Variants in ARFGEF1 observed in about 807,000 individuals in gnomAD.
ARFGEF1 encodes ARF guanine nucleotide exchange factor 1.
ARFGEF1 carries 42 observed loss-of-function variants against 231.0 expected under a neutral mutation model. The observed-to-expected ratio is 0.18, with a 90% CI of 0.14 to 0.24. The LOEUF (loss-of-function observed/expected upper bound fraction) is 0.24, where lower values mean the gene tolerates loss of function less well. Ranked by LOEUF, ARFGEF1 falls within the 10% of genes least tolerant of loss-of-function variation. The pLI is 1.00. For synonymous variants in ARFGEF1, 710 were observed against 732.3 expected, an observed-to-expected ratio of 0.97 and a Z score of 0.49; for missense variants, 1,345 against 2,192.0, an observed-to-expected ratio of 0.61 and a Z score of 7.72.
intron 1 of ARFGEF1, among the ~76,000 whole-genome samples, chr8:67,339,456 T>A (rs1253398655): frequency 6.6e-6 from 1 of 151,954 alleles, no homozygotes; most frequent in Non-Finnish European, 1.5e-5. Flanking sequence ...AACCCTAACA[T>A]AAAAGAAACT....
intron 5 of ARFGEF1, among the ~76,000 whole-genome samples, chr8:67,188,008 AAAAG>A (rs1835145781): frequency 6.6e-6 from 1 of 152,266 alleles, no homozygotes; most frequent in Non-Finnish European, 1.5e-5. Flanking sequence ...CACAATTCAT[AAAAG>A]AAATAATTGA....
chr8:67,336,124 TC>T (rs1380411786), intron 1 of ARFGEF1, among the ~76,000 whole-genome samples: 1 of 152,228 alleles, frequency 6.6e-6, no homozygotes, highest in Non-Finnish European at 1.5e-5. Context: ...TTACATCAAG[TC>T]TAAGTCTAAG....
chr8:67,193,121 GTTT>G (rs1452257321), downstream of ARFGEF1, among the ~76,000 whole-genome samples: 1 of 151,978 alleles, frequency 6.6e-6, no homozygotes. Context: ...TGATTTGCTG[GTTT>G]TTTTCTTTTT....
At chr8:67,272,232 T>C (rs113329303) in intron 9 of ARFGEF1, among the ~76,000 whole-genome samples, 96 of 152,286 alleles carry the variant, frequency 6.3e-4, no homozygotes, top group African/African-American at 2.1e-3. Flanking sequence ...AGTGCAGCGA[T>C]CTCAGCTCAC....
chr8:67,217,281 T>C (rs912079020), intron 32 of ARFGEF1, among the ~76,000 whole-genome samples: 3 of 131,466 alleles, frequency 2.3e-5, no homozygotes, highest in Non-Finnish European at 4.7e-5. Context: ...TCCAGCCTGG[T>C]AAACATGAAC....
rs1444480540 is a variant in ARFGEF1, at chr8:67,203,277, T to C, written c.4960-26A>G. The C allele has an allele frequency of 6.8e-6, 11 of 1,606,574 alleles. No individual in the cohort carries two copies. In the Admixed American group the frequency reaches 1.9e-4, roughly 28 times the overall value. On this transcript the variant is annotated intron_variant, in intron 35 of 38. Transcript: ENST00000262215. ...CTTTGGAAAACAAACCACCCCAGCA[T>C]ATACACACAGTCACAATAATTTTAC... is the stretch of plus-strand genomic sequence containing the variant.
chr8:67,225,609 TATTACACAGCACAGACAGACAAGATG>T (rs1421496270), intron 28 of ARFGEF1, among the ~76,000 whole-genome samples: 4 of 152,174 alleles, frequency 2.6e-5, no homozygotes, highest in Non-Finnish European at 4.4e-5. Flanking sequence ...TCAGCTTCAG[TATTACACAGCACAGACAGACAAGATG>T]CACTGTAGGG....
At position 67,251,422 on chromosome 8, in the gene ARFGEF1, A is replaced by C; in HGVS notation, c.2727T>G (p.Leu909=). 1 of 1,607,820 alleles carries C rather than the reference A, an allele frequency of 6.2e-7. No individual in the cohort carries two copies. The highest frequency in any genetic ancestry group is 8.5e-7 in the Non-Finnish European group (1 of 1,176,800). The change falls in exon 19 of 39, where the codon CTT becomes CTG. Residue 909 remains leucine, a synonymous_variant. Transcript: ENST00000262215. ...QNVASEKQRR[L]LYNLEMEQMA... ...TCTGCTCCATTTCTAAGTTATACAG[A>C]AGTCTTCTTTGTTTTTCACTGGCTA... is the stretch of plus-strand genomic sequence containing the variant.
intron 1 of ARFGEF1, among the ~76,000 whole-genome samples, chr8:67,305,976 TTA>T (rs1806724507): frequency 1.3e-5 from 2 of 152,214 alleles, no homozygotes; most frequent in South Asian, 4.1e-4. Flanking sequence ...TAGCAAGAAT[TTA>T]TTTTTCCTTC....
chr8:67,190,776 T>G (rs778625244), intron 5 of ARFGEF1: 1 of 1,549,088 alleles, frequency 6.5e-7, no homozygotes, highest in Non-Finnish European at 8.9e-7. Context: ...ATGAGACTTT[T>G]CTCCCCCTTT....
intron 9 of ARFGEF1, among the ~76,000 whole-genome samples, chr8:67,272,414 C>G: frequency 6.6e-6 from 1 of 152,054 alleles, no homozygotes. Context: ...GATCCACCCA[C>G]CTCGGCCTCC....
chr8:67,320,630 A>G (rs1169054381), intron 1 of ARFGEF1, among the ~76,000 whole-genome samples: 1 of 152,224 alleles, frequency 6.6e-6, no homozygotes, highest in Non-Finnish European at 1.5e-5. Context: ...AGTGTTAAAC[A>G]AACTATACGA....
intron 19 of ARFGEF1, among the ~76,000 whole-genome samples, chr8:67,249,107 A>G (rs1411544169): frequency 2.0e-5 from 3 of 150,502 alleles, no homozygotes; most frequent in Non-Finnish European, 4.4e-5. Context: ...TGTTGGGACA[A>G]GTGAAGAGAT....
chr8:67,273,965 AGTATGTTTTATATT>A (rs1351574820), intron 9 of ARFGEF1, among the ~76,000 whole-genome samples: 1 of 152,158 alleles, frequency 6.6e-6, no homozygotes, highest in Non-Finnish European at 1.5e-5. Flanking sequence ...GTTTGTTCTA[AGTATGTTTTATATT>A]TGTATTCCCA....
chr8:67,222,182 C>CATATATATATATAT (rs60905220), intron 29 of ARFGEF1, among the ~76,000 whole-genome samples: 1 of 117,740 alleles, frequency 8.5e-6, no homozygotes, highest in African/African-American at 3.9e-5. Flanking sequence ...TATATATACA[C>CATATATATATATAT]ATATATATAT....
At chr8:67,282,865 G>A (rs76741590) in intron 7 of ARFGEF1, among the ~76,000 whole-genome samples, 5 of 147,752 alleles carry the variant, frequency 3.4e-5, no homozygotes, top group Non-Finnish European at 3.0e-5. Flanking sequence ...AAAAAAGAAA[G>A]AAAGAAAAAG....
chr8:67,315,976 C>G (rs1020503961), intron 1 of ARFGEF1, among the ~76,000 whole-genome samples: 1 of 151,584 alleles, frequency 6.6e-6, no homozygotes, highest in African/African-American at 2.4e-5. Flanking sequence ...ATAATAAATA[C>G]AAGAGCAGAA....
At chr8:67,200,211 G>A in intron 38 of ARFGEF1, 185 bp downstream of exon 38, 2 of 656,946 alleles carry the variant, frequency 3.0e-6, no homozygotes, top group South Asian at 3.0e-5. Context: ...AGCTGGGTAA[G>A]GGGGGAGAAA....
At chr8:67,323,009 A>G (rs1283567010) in intron 1 of ARFGEF1, among the ~76,000 whole-genome samples, 2 of 152,120 alleles carry the variant, frequency 1.3e-5, no homozygotes, top group Non-Finnish European at 2.9e-5. Context: ...GTAATCCCAG[A>G]TTACTTTGAG....
Sources: allele counts gnomAD v4.1 joint callset (sites outside exome capture counted in the v4.1 genomes callset), GRCh38; gene constraint gnomAD v4.1.1; transcripts MANE v1.5; gene names NCBI Gene and HGNC (gene_info 2026-07-23, HGNC 2026-07-21).